Variants in IGFBP6 observed in about 807,000 individuals in gnomAD.
IGFBP6 encodes the protein insulin like growth factor binding protein 6, also known as insulin-like growth factor-binding protein 6.
IGFBP6 carries 24 observed loss-of-function variants against 24.5 expected under a neutral mutation model. The ratio of observed to expected loss-of-function variants is 0.98; its 90% confidence interval spans 0.71 to 1.38. The LOEUF (loss-of-function observed/expected upper bound fraction) is 1.38. Among genes scored for constraint, IGFBP6 ranks in the 40% most tolerant of loss-of-function variants. The pLI is 0.00. For missense variants in IGFBP6, 331 were observed against 324.8 expected (o/e 1.02, Z -0.15); for synonymous variants, 147 against 137.4 (o/e 1.07, Z -0.49).
In IGFBP6 at chr12:53,102,050, C is replaced by A; in HGVS notation, c.606C>A (p.Arg202=). Residue 202 remains arginine, a synonymous_variant, in exon 4 of 4, where the codon CGC becomes CGA. Transcript: ENST00000301464. ...HRGFYRKRQC[R]SSQGQRRGPC... ...CTGTGTGCCTCTCTCTCCAGTGCCG[C>A]TCCTCCCAGGGGCAGCGCCGAGGTC... is the stretch of plus-strand genomic sequence containing the variant. 6.2e-7 allele frequency: 1 copy of A among 1,613,504 alleles called. No individual in the cohort carries two copies.
chr12:53,101,551 G>C (rs1435830769), intron 3 of IGFBP6, among the ~76,000 whole-genome samples: 1 of 152,144 alleles, frequency 6.6e-6, no homozygotes, highest in African/African-American at 2.4e-5. Context: ...GAAAACTACT[G>C]TTCCAGGCTA....
At chr12:53,100,975 G>A in intron 2 of IGFBP6, 66 bp from the exon 3 acceptor site, 1 of 1,604,840 alleles carries the variant, frequency 6.2e-7, no homozygotes, top group South Asian at 1.1e-5. Flanking sequence ...TTGCCTGGTG[G>A]GCCAGAAGGT....
At chr12:53,099,963 G>A (rs557460988) in intron 1 of IGFBP6, among the ~76,000 whole-genome samples, 41 of 151,936 alleles carry the variant, frequency 2.7e-4, no homozygotes, top group African/African-American at 9.7e-4. Context: ...GAGTTCAAGC[G>A]ATTCTCCTGT....
intron 1 of IGFBP6, 59 bp from the exon 2 acceptor site, chr12:53,100,653 C>A: frequency 1.9e-6 from 3 of 1,574,216 alleles, no homozygotes; most frequent in Non-Finnish European, 2.6e-6. Context: ...GTGGGCAAGG[C>A]CCTTCTCCAC....
chr12:53,099,290 C>T (rs897447731), intron 1 of IGFBP6: 11 of 455,670 alleles, frequency 2.4e-5, no homozygotes, highest in Non-Finnish European at 4.9e-5. Flanking sequence ...CCGGACCCTC[C>T]GGAAACTTTC....
chr12:53,102,234 ACCGAGG>A lies in IGFBP6; in HGVS notation c.*70_*75del. 1 of 1,580,812 alleles carries A rather than the reference ACCGAGG, an allele frequency of 6.3e-7. No individual in the cohort carries two copies. On this transcript the variant is annotated 3_prime_UTR_variant, in exon 4 of 4. Transcript: ENST00000301464. ...TGGAGCTGTCATCACTCAACAAAAA[ACCGAGG>A]CCCTCAATCCACCTTCAGGCCCCGC... is the stretch of plus-strand genomic sequence containing the variant.
In IGFBP6 at chr12:53,097,934, G is replaced by A. The variant is rs1937767912; in HGVS notation, c.217G>A (p.Val73Ile). 2 of 1,512,264 alleles carry A rather than the reference G, an allele frequency of 1.3e-6. No individual in the cohort carries two copies. Among genetic ancestry groups the A allele is most frequent in the Non-Finnish European group, 8.8e-7 (1 of 1,134,392 alleles). The allele number at this position is 1,512,264 out of a possible 1,614,324, so 93.7% of individuals were successfully genotyped here. Residue 73 changes from valine (V) to isoleucine (I), a missense_variant, in exon 1 of 4, where the codon GTC becomes ATC. Val to Ile is a conservative substitution (Grantham distance 29). Coordinates refer to ENST00000301464, the MANE Select transcript of IGFBP6 (RefSeq NM_002178.3). ...CAGGAGGGAGGGGCAGGAGTGCGGG[G>A]TCTACACCCCTAACTGCGCCCCAGG... ...CLRREGQECG[V>I]YTPNCAPGLQ...
At chr12:53,101,395 G>C (rs1937826077) in intron 3 of IGFBP6, among the ~76,000 whole-genome samples, 1 of 152,196 alleles carries the variant, frequency 6.6e-6, no homozygotes, top group African/African-American at 2.4e-5. Context: ...TTGAACTTGA[G>C]GCATCAGAAT....
At chr12:53,098,713 C>G (rs994516547) in intron 1 of IGFBP6, among the ~76,000 whole-genome samples, 1 of 152,058 alleles carries the variant, frequency 6.6e-6, no homozygotes, top group Non-Finnish European at 1.5e-5. Flanking sequence ...TGCTCAGAAT[C>G]GTTCACCCAT....
At chr12:53,100,619 CCCTT>C (rs1937810253) in intron 1 of IGFBP6, 89 bp from the exon 2 acceptor site, 1 of 1,270,340 alleles carries the variant, frequency 7.9e-7, no homozygotes, top group Non-Finnish European at 1.1e-6. Context: ...ATAAGGCCCT[CCCTT>C]CCTTACTTCA....
Position 53,102,236 on chromosome 12 carries a change from C to T in IGFBP6, c.*69C>T, listed in dbSNP as rs184847836. 14 of 1,575,806 alleles carry T rather than the reference C, an allele frequency of 8.9e-6. No homozygotes were observed. Among genetic ancestry groups the T allele is most frequent in the Admixed American group, 7.1e-5 (4 of 56,254 alleles). On this transcript the variant is annotated 3_prime_UTR_variant, in exon 4 of 4. Transcript: ENST00000301464. ...GAGCTGTCATCACTCAACAAAAAAC[C>T]GAGGCCCTCAATCCACCTTCAGGCC...
Position 53,097,941 on chromosome 12 carries a change from C to T in IGFBP6, c.224C>T (p.Thr75Ile), listed in dbSNP as rs371824110. 6.6e-7 allele frequency: 1 copy of T among 1,512,144 alleles called. No homozygotes were observed. The highest frequency in any genetic ancestry group is 1.4e-5 in the African/African-American group (1 of 71,430). The allele number at this position is 1,512,144 out of a possible 1,614,324, so 93.7% of individuals were successfully genotyped here. The change falls in exon 1 of 4, where the codon ACC (threonine) becomes ATC (isoleucine). Residue 75 changes from threonine (T) to isoleucine (I), a missense_variant. Coordinates refer to ENST00000301464, the MANE Select transcript of IGFBP6 (RefSeq NM_002178.3). ...GAGGGGCAGGAGTGCGGGGTCTACA[C>T]CCCTAACTGCGCCCCAGGACTGCAG... The part of the protein sequence containing the change: ...RREGQECGVY[T>I]PNCAPGLQCH...
At position 53,098,013 on chromosome 12, in the gene IGFBP6, T is replaced by C. The variant is rs1937769859; in HGVS notation, c.296T>C (p.Leu99Pro). 1.3e-6 allele frequency: 2 copies of C among 1,507,950 alleles called. No individual in the cohort carries two copies. Among genetic ancestry groups the C allele is most frequent in the African/African-American group, 1.4e-5 (1 of 69,572 alleles). The allele number at this position is 1,507,950 out of a possible 1,614,324, so 93.4% of individuals were successfully genotyped here. A position where few individuals can be genotyped will look rare whatever the true frequency, so the allele number is the denominator to read the frequency against. The stretch of plus-strand genomic sequence containing the variant: ...GAGGCGCCTTTGCGGGCGCTGCTGC[T>C]CGGCCGAGGCCGCTGCCTTCCGGCC... The part of the protein sequence containing the change: ...DDEAPLRALL[L>P]GRGRCLPARA... The change falls in exon 1 of 4, where the codon CTC (leucine) becomes CCC (proline). Residue 99 changes from leucine (L) to proline (P), a missense_variant. Coordinates refer to ENST00000301464, the MANE Select transcript of IGFBP6 (RefSeq NM_002178.3).
rs780644351 is a variant in IGFBP6, at chr12:53,101,099, G to A, written c.539G>A (p.Arg180Gln). Residue 180 changes from arginine to glutamine, a missense_variant, in exon 3 of 4, where the codon CGA becomes CAA. Coordinates refer to ENST00000301464, the MANE Select transcript of IGFBP6 (RefSeq NM_002178.3). Reference protein sequence around the residue: ...VLQQLQTEVYRGAQTLYVPNC... With the variant: ...VLQQLQTEVYQGAQTLYVPNC... ...CAGCAACTCCAGACTGAGGTCTACC[G>A]AGGGGCTCAAACACTCTACGTGCCC... 8.1e-6 allele frequency: 13 copies of A among 1,614,074 alleles called. No homozygotes were observed. The highest frequency in any genetic ancestry group is 2.7e-5 in the African/African-American group (2 of 74,940).
intron 1 of IGFBP6, among the ~76,000 whole-genome samples, chr12:53,099,549 TTG>T: frequency 6.6e-6 from 1 of 152,128 alleles, no homozygotes; most frequent in Non-Finnish European, 1.5e-5. Flanking sequence ...CACATTCCTT[TTG>T]GGTCCCTGTT....
rs1565623979 is a variant in IGFBP6, at chr12:53,101,142, C to G, written c.582C>G (p.Gly194=). The G allele has an allele frequency of 2.5e-6, 4 of 1,614,140 alleles. No individual in the cohort carries two copies. The highest frequency in any genetic ancestry group is 1.6e-4 in the Middle Eastern group (1 of 6,062). Residue 194 remains glycine, a synonymous_variant, in exon 3 of 4, where the codon GGC becomes GGG. Transcript: ENST00000301464. ...TLYVPNCDHR[G]FYRKRQCRSS... is the part of the protein sequence containing the mutation. The stretch of plus-strand genomic sequence containing the variant: ...ACGTGCCCAATTGTGACCATCGAGG[C>G]TTCTACCGGAAGCGGCAGGTGAGAC...
Position 53,097,988 on chromosome 12 carries a change from G to C in IGFBP6, c.271G>C (p.Glu91Gln), listed in dbSNP as rs376712128. ...GCAGTGCCATCCGCCCAAGGACGAC[G>C]AGGCGCCTTTGCGGGCGCTGCTGCT... The part of the protein sequence containing the change: ...GLQCHPPKDD[E>Q]APLRALLLGR... The change falls in exon 1 of 4, where the codon GAG (glutamate) becomes CAG (glutamine). Residue 91 changes from glutamate to glutamine, a missense_variant. Glu to Gln is a conservative substitution (Grantham distance 29). Coordinates refer to ENST00000301464, the MANE Select transcript of IGFBP6 (RefSeq NM_002178.3). 2.6e-5 allele frequency: 40 copies of C among 1,516,660 alleles called. No individual in the cohort carries two copies. The African/African-American group carries it at 5.1e-4, about 20-fold the overall frequency. The allele number at this position is 1,516,660 out of a possible 1,614,324, so 94.0% of individuals were successfully genotyped here. A position where few individuals can be genotyped will look rare whatever the true frequency, so the allele number is the denominator to read the frequency against.
chr12:53,101,159 A>C lies in IGFBP6; in HGVS notation c.599A>C (p.Gln200Pro), dbSNP rs1373269038. ...CATCGAGGCTTCTACCGGAAGCGGC[A>C]GGTGAGACTATTTTTCTTCTCCTCC... is the stretch of plus-strand genomic sequence containing the variant. The part of the protein sequence containing the change: ...CDHRGFYRKR[Q>P]CRSSQGQRRG... The change falls in exon 3 of 4, where the codon CAG becomes CCG. Residue 200 changes from glutamine (Q) to proline (P), a missense_variant and splice_region_variant. Gln to Pro is a moderately conservative substitution (Grantham distance 76). Transcript: ENST00000301464. 1 of 1,613,314 alleles carries C rather than the reference A, an allele frequency of 6.2e-7. No individual in the cohort carries two copies. The highest frequency in any genetic ancestry group is 1.3e-5 in the African/African-American group (1 of 74,936).
In IGFBP6 at chr12:53,101,087, C is replaced by G; in HGVS notation, c.527C>G (p.Thr176Ser). The part of the protein sequence containing the change: ...HLDSVLQQLQ[T>S]EVYRGAQTLY... Reference sequence around the variant, plus strand: ...GACTCAGTGCTGCAGCAACTCCAGACTGAGGTCTACCGAGGGGCTCAAACA... The same window carrying G: ...GACTCAGTGCTGCAGCAACTCCAGAGTGAGGTCTACCGAGGGGCTCAAACA... The change falls in exon 3 of 4, where the codon ACT becomes AGT. Residue 176 changes from threonine to serine, a missense_variant. Coordinates refer to ENST00000301464, the MANE Select transcript of IGFBP6 (RefSeq NM_002178.3). The G allele has an allele frequency of 6.2e-7, 1 of 1,614,214 alleles. No individual in the cohort carries two copies. The highest frequency in any genetic ancestry group is 1.6e-4 in the Middle Eastern group (1 of 6,062).
Sources: allele counts gnomAD v4.1 joint callset (sites outside exome capture counted in the v4.1 genomes callset), GRCh38; gene constraint gnomAD v4.1.1; transcripts MANE v1.5; gene names NCBI Gene and HGNC (gene_info 2026-07-23, HGNC 2026-07-21).